The following NPHP1 variants were observed in gnomAD, a reference collection of about 807,000 sequenced individuals.
The protein encoded by NPHP1 is nephrocystin-1.
In NPHP1, 70 loss-of-function variants were observed where a neutral mutation model predicts 90.4. The observed-to-expected ratio is 0.77, with a 90% CI of 0.64 to 0.95. NPHP1 has a LOEUF of 0.95. Among genes scored for constraint, NPHP1 ranks in the 40% least tolerant of loss-of-function variants. The probability of loss-of-function intolerance (pLI) is 0.00; values close to 1 mark genes in which losing one functional copy is unlikely to be tolerated. For missense variants in NPHP1, 764 were observed against 795.9 expected (o/e 0.96, Z 0.48); for synonymous variants, 256 against 271.7 (o/e 0.94, Z 0.57).
intron 16 of NPHP1, among the ~76,000 whole-genome samples, chr2:110,135,869 C>A (rs1680149725): frequency 6.6e-6 from 1 of 152,076 alleles, no homozygotes; most frequent in Non-Finnish European, 1.5e-5. Context: ...AGGCTTCCAG[C>A]CTGTTGGAAG....
chr2:110,128,901 T>G, intron 18 of NPHP1: 1 of 455,504 alleles, frequency 2.2e-6, no homozygotes, highest in African/African-American at 2.0e-5. Flanking sequence ...GGATTTTTGC[T>G]CTTAGGACAC....
intron 17 of NPHP1, 80 bp downstream of exon 17, chr2:110,131,599 A>T (rs1378436495): frequency 1.2e-6 from 1 of 816,860 alleles, no homozygotes; most frequent in Non-Finnish European, 2.1e-6. Flanking sequence ...CCAGAAACAG[A>T]AGATACAAGA....
At chr2:110,150,903 C>T (rs528323884) in intron 11 of NPHP1, among the ~76,000 whole-genome samples, 21 of 151,240 alleles carry the variant, frequency 1.4e-4, no homozygotes, top group Non-Finnish European at 2.2e-4. Flanking sequence ...CAGTGGCTCA[C>T]GACTGTAATC....
intron 2 of NPHP1, among the ~76,000 whole-genome samples, chr2:110,186,463 G>T (rs1260427388): frequency 2.6e-5 from 4 of 152,110 alleles, no homozygotes; most frequent in Admixed American, 2.6e-4. Flanking sequence ...GAGGGAGAGG[G>T]CCAGACCAGA....
At chr2:110,150,589 G>A (rs747642870) in intron 11 of NPHP1, among the ~76,000 whole-genome samples, 44 of 151,740 alleles carry the variant, frequency 2.9e-4, no homozygotes, top group Non-Finnish European at 4.0e-4. Context: ...TCGCTCTGTC[G>A]CCCAGGCTGG....
intron 15 of NPHP1, chr2:110,143,972 GT>G: frequency 2.8e-6 from 1 of 351,876 alleles, no homozygotes; most frequent in Non-Finnish European, 5.4e-6. Flanking sequence ...GAGGTGGCAT[GT>G]CTTGAATCAC....
At chr2:110,143,832 A>C in intron 15 of NPHP1, 191 bp from the exon 16 acceptor site, 1 of 579,536 alleles carries the variant, frequency 1.7e-6, no homozygotes, top group Non-Finnish European at 3.1e-6. Flanking sequence ...AAATCACATG[A>C]GTTACAGCAT....
intron 4 of NPHP1, among the ~76,000 whole-genome samples, chr2:110,176,357 TTTC>T (rs1683506713): frequency 6.6e-6 from 1 of 152,162 alleles, no homozygotes; most frequent in Admixed American, 6.5e-5. Context: ...TCATTCATCT[TTTC>T]TTCTATTTTC....
intron 2 of NPHP1, among the ~76,000 whole-genome samples, chr2:110,193,597 A>C (rs533604308): frequency 6.6e-6 from 1 of 152,262 alleles, no homozygotes; most frequent in East Asian, 1.9e-4. Context: ...AGACAGATCA[A>C]CGGGACAGAA....
intron 18 of NPHP1, 179 bp downstream of exon 18, chr2:110,129,007 G>A: frequency 1.6e-6 from 1 of 633,720 alleles, no homozygotes; most frequent in South Asian, 1.9e-5. Context: ...AGGGAAGGCA[G>A]CCCTTGGGAA....
intron 2 of NPHP1, among the ~76,000 whole-genome samples, chr2:110,191,501 G>A (rs1367455437): frequency 2.0e-5 from 3 of 152,218 alleles, no homozygotes; most frequent in Non-Finnish European, 4.4e-5. Flanking sequence ...GGTAAACAAA[G>A]CAGCCTGGAA....
At chr2:110,133,364 A>C (rs1679928127) in intron 16 of NPHP1, among the ~76,000 whole-genome samples, 1 of 152,170 alleles carries the variant, frequency 6.6e-6, no homozygotes, top group South Asian at 2.1e-4. Context: ...ACAATTATAA[A>C]CATATATGCA....
intron 2 of NPHP1, among the ~76,000 whole-genome samples, chr2:110,199,602 GAC>G (rs983792689): frequency 2.0e-5 from 3 of 151,928 alleles, no homozygotes; most frequent in African/African-American, 7.3e-5. Flanking sequence ...CAGCCTGAAC[GAC>G]AGAGTGAGAC....
intron 2 of NPHP1, among the ~76,000 whole-genome samples, chr2:110,187,510 T>C (rs1163207907): frequency 6.6e-6 from 1 of 152,112 alleles, no homozygotes; most frequent in Non-Finnish European, 1.5e-5. Context: ...AGTTCTAAAA[T>C]TGAGGCAGCT....
chr2:110,192,609 C>T (rs530380228), intron 2 of NPHP1, among the ~76,000 whole-genome samples: 48 of 152,174 alleles, frequency 3.2e-4, no homozygotes, highest in Non-Finnish European at 4.9e-4. Flanking sequence ...GAGAACTTCC[C>T]CAATCTAGCA....
intron 12 of NPHP1, among the ~76,000 whole-genome samples, chr2:110,149,481 C>G (rs1190190945): frequency 6.6e-6 from 1 of 152,126 alleles, no homozygotes; most frequent in Admixed American, 6.5e-5. Flanking sequence ...CAAGTCTGGA[C>G]AGGCACAGCA....
intron 2 of NPHP1, among the ~76,000 whole-genome samples, chr2:110,198,976 C>T (rs1213559252): frequency 6.6e-6 from 1 of 151,200 alleles, no homozygotes; most frequent in South Asian, 2.1e-4. Context: ...GGAATCTGAG[C>T]CCAGAGAAAG....
In NPHP1 at chr2:110,157,853, C is replaced by T. The variant is rs147257974; in HGVS notation, c.1083+2274G>A. Among the ~76,000 whole-genome samples the T allele has an allele frequency of 1.6e-3, 246 of 152,204 alleles. 2 individuals are homozygous for T. The highest frequency in any genetic ancestry group is 5.7e-3 in the African/African-American group (237 of 41,532). On this transcript the variant is annotated intron_variant, in intron 11 of 19. Coordinates refer to ENST00000445609, the MANE Select transcript of NPHP1 (RefSeq NM_001128178.3). ...TTAACTCATTTAATTTCACATTGAC[C>T]GTTATCAGCTCAAGCAGCACTGTCT...
chr2:110,131,918 A>T (rs556813753), intron 16 of NPHP1, 127 bp from the exon 17 acceptor site: 13 of 656,340 alleles, frequency 2.0e-5, no homozygotes, highest in Admixed American at 1.3e-4. Flanking sequence ...ATTTTTAACT[A>T]TTTAAAGAAA....
Sources: allele counts gnomAD v4.1 joint callset (sites outside exome capture counted in the v4.1 genomes callset), GRCh38; gene constraint gnomAD v4.1.1; transcripts MANE v1.5; gene names NCBI Gene and HGNC (gene_info 2026-07-23, HGNC 2026-07-21).